The following SAMMSON variants were observed in gnomAD, a reference collection of about 807,000 sequenced individuals.
The protein encoded by SAMMSON is survival associated mitochondrial melanoma specific oncogenic non-coding RNA, also known as long intergenic non-protein coding RNA 1212.
intron 4 of SAMMSON, among the ~76,000 whole-genome samples, chr3:70,116,091 A>C (rs1576125727): frequency 1.3e-5 from 2 of 152,286 alleles, no homozygotes; most frequent in South Asian, 2.1e-4. Context: ...CACTAGGTTA[A>C]ATTTCTGACA....
At chr3:70,181,037 G>A (rs775685218) in intron 4 of SAMMSON, among the ~76,000 whole-genome samples, 1 of 152,166 alleles carries the variant, frequency 6.6e-6, no homozygotes, top group Non-Finnish European at 1.5e-5. Flanking sequence ...GGCCTGGCAA[G>A]TCATGGTGAG....
intron 9 of SAMMSON, among the ~76,000 whole-genome samples, chr3:70,385,640 T>C (rs1703116500): frequency 1.3e-5 from 2 of 152,046 alleles, no homozygotes; most frequent in Admixed American, 1.3e-4. Context: ...GCAGCAATAG[T>C]CTGTCAATAC....
At chr3:70,293,840 G>C (rs1702264761) in intron 7 of SAMMSON, among the ~76,000 whole-genome samples, 1 of 151,984 alleles carries the variant, frequency 6.6e-6, no homozygotes, top group Non-Finnish European at 1.5e-5. Flanking sequence ...TTAATTGGTA[G>C]AATCAACTTA....
chr3:70,145,409 T>G (rs193184793), intron 4 of SAMMSON, among the ~76,000 whole-genome samples: 19 of 152,262 alleles, frequency 1.2e-4, no homozygotes, highest in Admixed American at 3.3e-4. Context: ...AATAGCCTTT[T>G]CAAAGTATGT....
chr3:70,286,889 A>G lies in SAMMSON; in HGVS notation n.675-4290A>G, dbSNP rs1390146651. Reference sequence around the variant, plus strand: ...TTGTTGGTGTATAAGAATGCTTGTGATTTTTGTACATTGATTTTGTATCCT... The same window carrying G: ...TTGTTGGTGTATAAGAATGCTTGTGGTTTTTGTACATTGATTTTGTATCCT... On this transcript the variant is annotated intron_variant and non_coding_transcript_variant, in intron 6 of 9. Transcript: ENST00000642114. 2.0e-5 allele frequency among the ~76,000 whole-genome samples: 3 copies of G among 151,954 alleles called. No individual in the cohort carries two copies. In the East Asian group the frequency reaches 5.8e-4, roughly 30 times the overall value.
chr3:70,210,790 A>AC (rs1253649412), intron 4 of SAMMSON, among the ~76,000 whole-genome samples: 1 of 151,750 alleles, frequency 6.6e-6, no homozygotes, highest in African/African-American at 2.4e-5. Flanking sequence ...CTTGGAAAAA[A>AC]ATTAAAGTGA....
At chr3:70,309,211 A>G (rs1481249049) in intron 7 of SAMMSON, among the ~76,000 whole-genome samples, 1 of 152,150 alleles carries the variant, frequency 6.6e-6, no homozygotes, top group Non-Finnish European at 1.5e-5. Flanking sequence ...TCAATTTGCC[A>G]CTTAAGAGCC....
chr3:70,203,801 T>A (rs988943377), intron 4 of SAMMSON, among the ~76,000 whole-genome samples: 1 of 152,146 alleles, frequency 6.6e-6, no homozygotes, highest in East Asian at 1.9e-4. Flanking sequence ...GTCTCAGGAT[T>A]ATTTTTAAGG....
chr3:70,250,746 C>T (rs1482474957), intron 6 of SAMMSON, among the ~76,000 whole-genome samples: 1 of 152,066 alleles, frequency 6.6e-6, no homozygotes, highest in African/African-American at 2.4e-5. Context: ...AAGCATCTTG[C>T]AATTTGGGAC....
intron 9 of SAMMSON, among the ~76,000 whole-genome samples, chr3:70,371,886 G>A (rs12107782): frequency 2.6e-5 from 4 of 152,142 alleles, no homozygotes; most frequent in Admixed American, 2.0e-4. Flanking sequence ...TAAGAGTGGT[G>A]AAAGTGGGCA....
chr3:70,280,568 C>T (rs562212712), intron 6 of SAMMSON, among the ~76,000 whole-genome samples: 4 of 152,130 alleles, frequency 2.6e-5, no homozygotes, highest in South Asian at 2.1e-4. Context: ...ACTCAGAAAA[C>T]GATATCCTAA....
intron 7 of SAMMSON, among the ~76,000 whole-genome samples, chr3:70,298,713 CTTTAAT>C (rs567150107): frequency 2.0e-3 from 311 of 152,094 alleles, no homozygotes; most frequent in African/African-American, 7.2e-3. Context: ...TTCCAGTCTT[CTTTAAT>C]TTTATTTGTT....
rs887646721 is a variant in SAMMSON, at chr3:70,100,137, A to G, written n.507+28572A>G. On this transcript the variant is annotated intron_variant and non_coding_transcript_variant, in intron 4 of 9. Coordinates refer to ENST00000642114, the Ensembl canonical transcript of SAMMSON. ...TTGGCAGTATTTTCATTGGGGGTGC[A>G]TATTTTCATACTCTTTTTTTTTAAT... Among the ~76,000 whole-genome samples, 34 of 151,924 alleles carry G rather than the reference A, an allele frequency of 2.2e-4. 1 individual carries two copies. Among genetic ancestry groups the G allele is most frequent in the Non-Finnish European group, 4.3e-4 (29 of 67,964 alleles).
At position 70,260,924 on chromosome 3, in the gene SAMMSON, G is replaced by A. The variant is rs147535863; in HGVS notation, n.674+11254G>A. Among the ~76,000 whole-genome samples the A allele has an allele frequency of 6.6e-5, 10 of 152,162 alleles. No homozygotes were observed. In the East Asian group the frequency reaches 1.9e-3, roughly 29 times the overall value. ...AGGACCAATATACTTCTAGCTGATG[G>A]AGAAACTGAGTCCAGGGAAGATAAG... On this transcript the variant is annotated intron_variant and non_coding_transcript_variant, in intron 6 of 9. Coordinates refer to ENST00000642114, the Ensembl canonical transcript of SAMMSON.
chr3:70,017,142 A>C (rs1473711507), intron 3 of SAMMSON, among the ~76,000 whole-genome samples: 1 of 152,154 alleles, frequency 6.6e-6, no homozygotes, highest in Non-Finnish European at 1.5e-5. Context: ...CGGTAGCTTG[A>C]TGGGGATGGC....
intron 4 of SAMMSON, among the ~76,000 whole-genome samples, chr3:70,083,649 G>T (rs947905449): frequency 6.6e-6 from 1 of 152,082 alleles, no homozygotes. Flanking sequence ...TGCTCTTTTG[G>T]CTGCCTTCCT....
At chr3:70,160,010 G>C (rs976791991) in intron 4 of SAMMSON, among the ~76,000 whole-genome samples, 1 of 151,836 alleles carries the variant, frequency 6.6e-6, no homozygotes, top group African/African-American at 2.4e-5. Flanking sequence ...GTCTTATTGA[G>C]GTGTAAGATT....
chr3:70,392,623 G>A (rs545762509), downstream of SAMMSON, among the ~76,000 whole-genome samples: 1 of 152,200 alleles, frequency 6.6e-6, no homozygotes, highest in Admixed American at 6.6e-5. Context: ...AGTTAAAATG[G>A]GGGCTCTAGC....
chr3:70,285,310 T>G (rs1389576835), intron 6 of SAMMSON, among the ~76,000 whole-genome samples: 1 of 151,034 alleles, frequency 6.6e-6, no homozygotes, highest in East Asian at 2.0e-4. Context: ...ATGTGGTGTT[T>G]GGTTTTTTGT....
Sources: gnomAD v4.1 joint callset for allele counts (sites outside exome capture counted in the v4.1 genomes callset) on GRCh38, gnomAD v4.1.1 for gene constraint, MANE v1.5 for transcripts, NCBI Gene and HGNC (gene_info 2026-07-23, HGNC 2026-07-21) for gene names.